DGKG: variants seen among roughly 807,000 people sequenced by gnomAD.
DGKG encodes the protein DAG kinase gamma.
DGKG carries 78 observed loss-of-function variants against 105.3 expected under a neutral mutation model. The ratio of observed to expected loss-of-function variants is 0.74; its 90% CI spans 0.62 to 0.89. The LOEUF (loss-of-function observed/expected upper bound fraction) is 0.89, where lower values mean the gene tolerates loss of function less well. DGKG is among the 40% of genes least tolerant of loss of function. The probability of loss-of-function intolerance (pLI) is 0.00; values close to 1 mark genes in which losing one functional copy is unlikely to be tolerated. For missense variants in DGKG, 958 were observed against 1,020.1 expected, an observed-to-expected ratio of 0.94 and a Z score of 0.83; for synonymous variants, 346 against 367.1, an observed-to-expected ratio of 0.94 and a Z score of 0.66.
At position 186,251,876 on chromosome 3, in the gene DGKG, C is replaced by CTCAA. The variant is rs1325707507; in HGVS notation, c.1640_1643dup (p.Glu548AspfsTer2). 6 of 1,603,732 alleles carry CTCAA rather than the reference C, an allele frequency of 3.7e-6. No homozygotes were observed. The highest frequency in any genetic ancestry group is 4.3e-6 in the Non-Finnish European group (5 of 1,174,144). On this transcript the variant is annotated stop_gained and frameshift_variant, in exon 19 of 25. Coordinates refer to ENST00000265022, the MANE Select transcript of DGKG (RefSeq NM_001346.3). LOFTEE classifies it high-confidence loss of function. ...GGTCCAGCATCACCAAGGGGCTCTG[C>CTCAA]TCAATGTCTTTCAGGATTTTTGTCA...
intron 1 of DGKG, among the ~76,000 whole-genome samples, chr3:186,345,362 T>C (rs565816526): frequency 1.2e-4 from 19 of 152,334 alleles, no homozygotes; most frequent in Non-Finnish European, 2.4e-4. Context: ...AAATGAGTGA[T>C]TTAGCTTACT....
intron 21 of DGKG, among the ~76,000 whole-genome samples, chr3:186,197,579 C>T (rs891266806): frequency 6.6e-6 from 1 of 152,144 alleles, no homozygotes; most frequent in Non-Finnish European, 1.5e-5. Flanking sequence ...TTTCTGATAC[C>T]GTGGGCGGGG....
intron 23 of DGKG, 117 bp downstream of exon 23, chr3:186,164,781 A>C: frequency 8.1e-7 from 1 of 1,233,976 alleles, no homozygotes; most frequent in East Asian, 2.4e-5. Flanking sequence ...AAACATTATC[A>C]AGCTTTTGTG....
At chr3:186,328,218 C>T (rs1725439904) in intron 1 of DGKG, among the ~76,000 whole-genome samples, 1 of 152,210 alleles carries the variant, frequency 6.6e-6, no homozygotes, top group African/African-American at 2.4e-5. Context: ...ACTCTTTGAG[C>T]AAATTTGCCT....
chr3:186,186,714 G>A (rs927892204), intron 22 of DGKG, among the ~76,000 whole-genome samples: 8 of 152,198 alleles, frequency 5.3e-5, no homozygotes, highest in African/African-American at 1.4e-4. Flanking sequence ...TTTTACACCT[G>A]GCTTTCTCCT....
intron 1 of DGKG, among the ~76,000 whole-genome samples, chr3:186,349,911 G>A (rs1188491581): frequency 6.6e-6 from 1 of 151,094 alleles, no homozygotes; most frequent in African/African-American, 2.4e-5. Context: ...TTGAGATAGG[G>A]TCTCACTCTC....
At chr3:186,242,693 G>T in intron 19 of DGKG, 125 bp from the exon 20 acceptor site, 1 of 737,436 alleles carries the variant, frequency 1.4e-6, no homozygotes. Flanking sequence ...ATCGCATGGT[G>T]GGGCTCCAGG....
intron 22 of DGKG, among the ~76,000 whole-genome samples, chr3:186,171,484 C>T (rs1380111021): frequency 6.6e-6 from 1 of 152,136 alleles, no homozygotes; most frequent in Non-Finnish European, 1.5e-5. Context: ...TGCATATAAC[C>T]AGTGCACATG....
At chr3:186,297,303 A>G in intron 5 of DGKG, 118 bp downstream of exon 5, 1 of 772,788 alleles carries the variant, frequency 1.3e-6, no homozygotes, top group Admixed American at 2.0e-5. Flanking sequence ...GGAGGACCAG[A>G]TCTGCATAAG....
At chr3:186,273,554 T>C (rs1189299226) in intron 10 of DGKG, among the ~76,000 whole-genome samples, 3 of 151,810 alleles carry the variant, frequency 2.0e-5, no homozygotes, top group East Asian at 3.9e-4. Flanking sequence ...TTTGTATTTT[T>C]AGTAGGGACG....
At chr3:186,181,390 A>AAGTATTAT (rs1717350700) in intron 22 of DGKG, among the ~76,000 whole-genome samples, 1 of 152,166 alleles carries the variant, frequency 6.6e-6, no homozygotes, top group Non-Finnish European at 1.5e-5. Context: ...GAATTGCAAA[A>AAGTATTAT]AGTATTATCT....
chr3:186,159,194 G>C (rs1248501243), intron 24 of DGKG: 1 of 151,356 alleles, frequency 6.6e-6, no homozygotes, highest in Non-Finnish European at 1.5e-5. Context: ...ATTTTTAAAT[G>C]TTGGCTTATT....
At chr3:186,275,448 G>T in intron 10 of DGKG, 99 bp downstream of exon 10, 1 of 1,043,408 alleles carries the variant, frequency 9.6e-7, no homozygotes, top group Non-Finnish European at 1.5e-6. Context: ...CCTCAAGCTG[G>T]GAAGCAGAAA....
At chr3:186,301,713 T>C (rs918388035) in intron 3 of DGKG, among the ~76,000 whole-genome samples, 1 of 152,216 alleles carries the variant, frequency 6.6e-6, no homozygotes, top group Non-Finnish European at 1.5e-5. Flanking sequence ...ACACTATACA[T>C]TATAAAATAT....
At chr3:186,235,766 T>C (rs141649328) in intron 20 of DGKG, among the ~76,000 whole-genome samples, 2,313 of 152,232 alleles carry the variant, frequency 0.015, 27 homozygotes, top group Non-Finnish European at 0.021. Context: ...TTATCTGAGG[T>C]CAGGGTTGGG....
At chr3:186,263,932 G>A (rs929499060) in intron 14 of DGKG, among the ~76,000 whole-genome samples, 3 of 152,210 alleles carry the variant, frequency 2.0e-5, no homozygotes, top group Admixed American at 1.3e-4. Flanking sequence ...GAAAAGGATA[G>A]TAGCATTTCC....
At chr3:186,295,638 T>TAAAAAAAAAAAAA (rs34829528) in intron 5 of DGKG, among the ~76,000 whole-genome samples, 5 of 84,526 alleles carry the variant, frequency 5.9e-5, no homozygotes, top group African/African-American at 1.0e-4. Flanking sequence ...TAATGCACAG[T>TAAAAAAAAAAAAA]AAAAAAAAAA....
chr3:186,204,676 G>A (rs535919179), intron 21 of DGKG, among the ~76,000 whole-genome samples: 38 of 152,120 alleles, frequency 2.5e-4, no homozygotes, highest in Non-Finnish European at 4.6e-4. Context: ...TCTTTTTAAA[G>A]TGTTAGAATA....
rs776523308 is a variant in DGKG at position 186,253,104 on chromosome 3, C to T, written c.1589G>A (p.Arg530His). The T allele has an allele frequency of 4.9e-5, 79 of 1,614,036 alleles. No homozygotes were observed. Among genetic ancestry groups the T allele is most frequent in the African/African-American group, 1.1e-4 (8 of 74,930 alleles). ...GCATGCAAACTCACCTCCTCCCCAG[C>T]GGAGACAACGGGCAAGGTCATTTCC... ...GTGNDLARCL[R>H]WGGGYEGGSL... Residue 530 changes from arginine to histidine, a missense_variant, in exon 18 of 25, where the codon CGC becomes CAC. By Grantham distance (29) the Arg-to-His change is conservative. Around this residue, in one of 2 missense-constraint regions of DGKG, gnomAD observed 315 missense variants for 400.6 expected, o/e 0.79. Transcript: ENST00000265022.
Sources: gnomAD v4.1 joint callset for allele counts (sites outside exome capture counted in the v4.1 genomes callset) on GRCh38, gnomAD v4.1.1 for gene constraint, gnomAD v4.1.1 regional missense constraint, MANE v1.5 for transcripts, NCBI Gene and HGNC (gene_info 2026-07-23, HGNC 2026-07-21) for gene names.